TM9SF4: variants seen among roughly 807,000 people sequenced by gnomAD.
TM9SF4 encodes the protein dinucleotide oxidase disulfide thiol exchanger 3 superfamily member 4.
A neutral mutation model predicts 90.4 loss-of-function variants in TM9SF4; 26 were observed. The observed-to-expected ratio is 0.29, with a 90% CI of 0.21 to 0.40. The LOEUF is 0.40. Among genes scored for constraint, TM9SF4 ranks in the 10% least tolerant of loss-of-function variants. TM9SF4 has a pLI of 1.00. For missense variants in TM9SF4, 549 were observed against 834.8 expected (o/e 0.66, Z 4.22); for synonymous variants, 293 against 315.4 (o/e 0.93, Z 0.75).
intron 12 of TM9SF4, among the ~76,000 whole-genome samples, chr20:32,152,658 G>C (rs2046859503): frequency 6.6e-6 from 1 of 152,138 alleles, no homozygotes; most frequent in Non-Finnish European, 1.5e-5. Flanking sequence ...GCAGCAGTGT[G>C]GGTGTACTCT....
chr20:32,131,713 G>A (rs1160809638), intron 1 of TM9SF4, among the ~76,000 whole-genome samples: 1 of 152,194 alleles, frequency 6.6e-6, no homozygotes, highest in Non-Finnish European at 1.5e-5. Flanking sequence ...GAAGACAAAA[G>A]TTCGTTGTTC....
At chr20:32,110,132 C>T (rs901713663) in intron 1 of TM9SF4, 3 of 1,014,920 alleles carry the variant, frequency 3.0e-6, no homozygotes, top group African/African-American at 1.7e-5. Context: ...CCGTCACGTC[C>T]AGACCCTGCT....
Position 32,110,179 on chromosome 20 carries a change from T to C in TM9SF4, c.15+424T>C, listed in dbSNP as rs1019130483. The C allele has an allele frequency of 5.2e-6, 3 of 575,934 alleles. No individual in the cohort carries two copies. In the African/African-American group the frequency reaches 5.9e-5, roughly 11 times the overall value. The allele number at this position is 575,934 out of a possible 1,614,324, so 35.7% of individuals were successfully genotyped here. A position where few individuals can be genotyped will look rare whatever the true frequency, so the allele number is the denominator to read the frequency against. On this transcript the variant is annotated intron_variant, in intron 1 of 17. Coordinates refer to ENST00000398022, the MANE Select transcript of TM9SF4 (RefSeq NM_014742.4). ...CCCACCATCATAACCAGTCCGCAGA[T>C]GTGACCTCTCCTCTGACCACCCTCC...
rs577831447 is a variant in TM9SF4 at position 32,157,938 on chromosome 20, G to A, written c.1474G>A (p.Glu492Lys). 17 of 1,614,084 alleles carry A rather than the reference G, an allele frequency of 1.1e-5. No homozygotes were observed. The highest frequency in any genetic ancestry group is 1.3e-5 in the African/African-American group (1 of 75,014). ...RTNQIPRQIP[E>K]QRWYMNRFVG... is the part of the protein sequence containing the mutation. ...CAACCAGATTCCCCGGCAGATCCCC[G>A]AGCAGCGGTGGTACATGAACCGATT... The change falls in exon 14 of 18, where the codon GAG (glutamate) becomes AAG (lysine). Residue 492 changes from glutamate to lysine, a missense_variant. Glu to Lys is a moderately conservative substitution (Grantham distance 56). Around this residue, in one of 2 missense-constraint regions of TM9SF4, gnomAD observed 495 missense variants for 711.7 expected, o/e 0.70. Coordinates refer to ENST00000398022, the MANE Select transcript of TM9SF4 (RefSeq NM_014742.4).
rs7273342 is a variant in TM9SF4, at chr20:32,165,417, G to A, written c.1902G>A (p.Lys634=). The change falls in exon 18 of 18, where the codon AAG becomes AAA. Residue 634 remains lysine, a synonymous_variant. Transcript: ENST00000398022. The part of the protein sequence containing the change: ...GFYAAYMFVR[K]IYAAVKID ...ATGCAGCCTACATGTTTGTTCGCAA[G>A]ATCTATGCTGCTGTGAAGATAGACT... 1.6e-3 allele frequency: 2,612 copies of A among 1,614,204 alleles called. 47 individuals carry two copies. In the African/African-American group the frequency reaches 0.031, roughly 19 times the overall value.
intron 17 of TM9SF4, among the ~76,000 whole-genome samples, chr20:32,163,285 A>C (rs2047052689): frequency 7.8e-6 from 1 of 128,322 alleles, no homozygotes; most frequent in Admixed American, 8.0e-5. Context: ...ATATATATAT[A>C]TATATATATA....
In TM9SF4 at chr20:32,162,863, CA is replaced by C. The variant is rs1226001768; in HGVS notation, c.1779+1507del. On this transcript the variant is annotated intron_variant, in intron 17 of 17. Transcript: ENST00000398022. ...TAAAACTCTATCAAAGTAGCTTAAGCAAAAAAAAAGGGAAAAAAAGTAGCTT... is the reference window on the plus strand; with the variant it reads ...TAAAACTCTATCAAAGTAGCTTAAGCAAAAAAAAGGGAAAAAAAGTAGCTT... Among the ~76,000 whole-genome samples the C allele has an allele frequency of 2.7e-5, 4 of 146,170 alleles. No individual in the cohort carries two copies. In the East Asian group the frequency reaches 5.9e-4, roughly 22 times the overall value.
chr20:32,161,207 C>A, intron 16 of TM9SF4, 69 bp from the exon 17 acceptor site: 2 of 1,366,640 alleles, frequency 1.5e-6, no homozygotes, highest in Non-Finnish European at 2.1e-6. Context: ...GCCCCTCAAG[C>A]AACTGTGAAA....
At chr20:32,132,784 G>T (rs1401983690) in intron 1 of TM9SF4, among the ~76,000 whole-genome samples, 1 of 152,156 alleles carries the variant, frequency 6.6e-6, no homozygotes, top group Admixed American at 6.5e-5. Context: ...CTTCCCTTTT[G>T]CCCAGATGTT....
At chr20:32,158,139 T>C (rs959378552) in intron 14 of TM9SF4, among the ~76,000 whole-genome samples, 170 bp downstream of exon 14, 1 of 152,084 alleles carries the variant, frequency 6.6e-6, no homozygotes, top group Non-Finnish European at 1.5e-5. Context: ...GTAGGCAGAC[T>C]TGGTGTCATC....
At chr20:32,128,324 T>C (rs1298825538) in intron 1 of TM9SF4, among the ~76,000 whole-genome samples, 1 of 152,190 alleles carries the variant, frequency 6.6e-6, no homozygotes. Context: ...TAAGCAGTGG[T>C]TTTTGACCCT....
Position 32,155,833 on chromosome 20 carries a change from T to C in TM9SF4, c.1329+647T>C, listed in dbSNP as rs533170556. On this transcript the variant is annotated intron_variant, in intron 13 of 17. Coordinates refer to ENST00000398022, the MANE Select transcript of TM9SF4 (RefSeq NM_014742.4). ...ACCTGGGGGTGGCGGTAAAGGTCCT[T>C]GCATGAGGCTTCACGTCCAGGCTTA... Among the ~76,000 whole-genome samples the C allele has an allele frequency of 7.5e-4, 114 of 152,306 alleles. 1 individual carries two copies. Among genetic ancestry groups the C allele is most frequent in the Middle Eastern group, 3.4e-3 (1 of 294 alleles).
intron 6 of TM9SF4, among the ~76,000 whole-genome samples, chr20:32,144,046 A>C (rs947946095): frequency 5.3e-5 from 8 of 152,108 alleles, no homozygotes; most frequent in Admixed American, 2.0e-4. Context: ...CCTGGGTTCA[A>C]GCAATTCTCC....
At chr20:32,155,934 C>G (rs1339500322) in intron 13 of TM9SF4, among the ~76,000 whole-genome samples, 3 of 152,170 alleles carry the variant, frequency 2.0e-5, no homozygotes, top group Non-Finnish European at 4.4e-5. Flanking sequence ...CTCACTTCAC[C>G]TTTTTTATCC....
At chr20:32,137,962 A>G (rs1475407684) in intron 3 of TM9SF4, among the ~76,000 whole-genome samples, 1 of 152,226 alleles carries the variant, frequency 6.6e-6, no homozygotes, top group Admixed American at 6.5e-5. Context: ...TCCATGCCCA[A>G]GCACCACACT....
Position 32,155,246 on chromosome 20 carries a change from G to A in TM9SF4, c.1329+60G>A, listed in dbSNP as rs1200597106. Reference sequence around the variant, plus strand: ...AGCAAGCGAGGACCAGTTGCACTCAGCCCTACTCCCAAAAGCCACTTCCTG... The same window carrying A: ...AGCAAGCGAGGACCAGTTGCACTCAACCCTACTCCCAAAAGCCACTTCCTG... On this transcript the variant is annotated intron_variant, in intron 13 of 17. Coordinates refer to ENST00000398022, the MANE Select transcript of TM9SF4 (RefSeq NM_014742.4). The A allele has an allele frequency of 1.4e-5, 19 of 1,403,914 alleles. 1 individual carries two copies. The South Asian group carries it at 2.2e-4, about 16-fold the overall frequency. 87.0% of individuals were successfully genotyped at this position (1,403,914 alleles called of 1,614,324 possible).
At chr20:32,160,260 C>A in intron 16 of TM9SF4, 149 bp downstream of exon 16, 1 of 1,119,842 alleles carries the variant, frequency 8.9e-7, no homozygotes, top group Non-Finnish European at 1.3e-6. Context: ...GTTGCTGTGC[C>A]TCTCCCAGCC....
In TM9SF4 at chr20:32,151,592, C is replaced by T. The variant is rs142586685; in HGVS notation, c.1245+717C>T. 2.0e-3 allele frequency among the ~76,000 whole-genome samples: 303 copies of T among 152,294 alleles called. 1 individual carries two copies. The highest frequency in any genetic ancestry group is 3.4e-3 in the Middle Eastern group (1 of 294). On this transcript the variant is annotated intron_variant, in intron 12 of 17. Coordinates refer to ENST00000398022, the MANE Select transcript of TM9SF4 (RefSeq NM_014742.4). ...AGTTCTGGCTGCGACGCTTCTGGCA[C>T]AAAGTAAGCCCTCGGTAAAGAAAAG... is the stretch of plus-strand genomic sequence containing the variant.
intron 1 of TM9SF4, chr20:32,110,049 A>G (rs2122289742): frequency 7.4e-7 from 1 of 1,353,330 alleles, no homozygotes; most frequent in Non-Finnish European, 9.5e-7. Flanking sequence ...TGTGAGCCCC[A>G]TTTTCCATTT....
Sources: allele counts gnomAD v4.1 joint callset (sites outside exome capture counted in the v4.1 genomes callset), GRCh38; gene constraint gnomAD v4.1.1; regional missense constraint gnomAD v4.1.1; transcripts MANE v1.5; gene names NCBI Gene and HGNC (gene_info 2026-07-23, HGNC 2026-07-21).